Variants in SDK1 observed in about 807,000 individuals in gnomAD.
SDK1 encodes the protein sidekick cell adhesion molecule 1.
In SDK1, 157 loss-of-function variants were observed where a neutral mutation model predicts 245.5. That is an observed-to-expected ratio of 0.64 (90% CI 0.56 to 0.73). The LOEUF is 0.73. Ranked by LOEUF, SDK1 falls within the 30% of genes least tolerant of loss-of-function variation. SDK1 has a pLI of 0.00. For missense variants in SDK1, 3,583 were observed against 3,002.3 expected, an observed-to-expected ratio of 1.19 and a Z score of -4.52; for synonymous variants, 1,647 against 1,278.5, an observed-to-expected ratio of 1.29 and a Z score of -6.15.
Position 4,150,891 on chromosome 7 carries a change from G to A in SDK1, c.4625+1428G>A, listed in dbSNP as rs973559847. Reference sequence around the variant, plus strand: ...CTTGCCCAGGGAGGGGTGGCCGACCGGGCGTCTCAGTACAGAGCTGTGAAG... The same window carrying A: ...CTTGCCCAGGGAGGGGTGGCCGACCAGGCGTCTCAGTACAGAGCTGTGAAG... On this transcript the variant is annotated intron_variant, in intron 30 of 44. Transcript: ENST00000404826. Among the ~76,000 whole-genome samples the A allele has an allele frequency of 4.6e-5, 7 of 152,356 alleles. No individual in the cohort carries two copies. The East Asian group carries it at 7.7e-4, about 17-fold the overall frequency.
At chr7:4,233,024 T>G in intron 40 of SDK1, 1 of 479,222 alleles carries the variant, frequency 2.1e-6, no homozygotes, top group South Asian at 3.6e-5. Flanking sequence ...AAGTGTCCAG[T>G]TCAGTAGCAT....
intron 9 of SDK1, among the ~76,000 whole-genome samples, chr7:3,964,086 G>A (rs1042415109): frequency 1.3e-5 from 2 of 152,274 alleles, no homozygotes; most frequent in Non-Finnish European, 2.9e-5. Context: ...CTGCTAGACT[G>A]GGCCTTCAAG....
At chr7:4,031,427 A>G (rs1787810142) in intron 17 of SDK1, among the ~76,000 whole-genome samples, 1 of 152,202 alleles carries the variant, frequency 6.6e-6, no homozygotes, top group Admixed American at 6.5e-5. Flanking sequence ...CAGAGAATCA[A>G]TAGATTGTAT....
chr7:4,131,780 C>T (rs887820725), intron 27 of SDK1, among the ~76,000 whole-genome samples: 3 of 152,026 alleles, frequency 2.0e-5, no homozygotes, highest in Admixed American at 6.6e-5. Context: ...CACACCAACT[C>T]TTAATTATCT....
chr7:3,343,199 T>C (rs1362498870), intron 1 of SDK1, among the ~76,000 whole-genome samples: 1 of 152,140 alleles, frequency 6.6e-6, no homozygotes, highest in East Asian at 1.9e-4. Flanking sequence ...CACATAATCA[T>C]GCAAAAACCT....
chr7:3,646,766 T>A (rs928134539), intron 4 of SDK1, among the ~76,000 whole-genome samples: 11 of 152,104 alleles, frequency 7.2e-5, no homozygotes, highest in Admixed American at 7.2e-4. Context: ...CATAGAGGGG[T>A]TGAAAAGTGT....
chr7:4,167,358 A>G (rs1781560870), intron 32 of SDK1, among the ~76,000 whole-genome samples: 1 of 152,164 alleles, frequency 6.6e-6, no homozygotes, highest in African/African-American at 2.4e-5. Context: ...AGCCAAGATC[A>G]CACCACTGCA....
intron 42 of SDK1, among the ~76,000 whole-genome samples, chr7:4,238,066 G>T (rs1786291418): frequency 6.6e-6 from 1 of 151,172 alleles, no homozygotes; most frequent in Admixed American, 6.6e-5. Context: ...TCCCCACTCT[G>T]TACCTTTGTT....
intron 4 of SDK1, among the ~76,000 whole-genome samples, chr7:3,725,678 C>T (rs1377756007): frequency 6.6e-6 from 1 of 152,122 alleles, no homozygotes; most frequent in African/African-American, 2.4e-5. Flanking sequence ...CATTCTCTGT[C>T]CCTGGAGCCC....
intron 14 of SDK1, among the ~76,000 whole-genome samples, chr7:4,001,273 A>T (rs1785053621): frequency 6.6e-6 from 1 of 152,152 alleles, no homozygotes; most frequent in Admixed American, 6.5e-5. Flanking sequence ...CACCATTAGG[A>T]TTGGTCTCCC....
At chr7:3,326,169 T>A (rs946588105) in intron 1 of SDK1, among the ~76,000 whole-genome samples, 2 of 152,144 alleles carry the variant, frequency 1.3e-5, no homozygotes, top group African/African-American at 2.4e-5. Flanking sequence ...TATATAAAAG[T>A]GTAGAGAAAG....
chr7:3,783,297 A>G (rs1419830134), intron 4 of SDK1, among the ~76,000 whole-genome samples: 1 of 152,186 alleles, frequency 6.6e-6, no homozygotes, highest in South Asian at 2.1e-4. Context: ...TTCCTCTGAC[A>G]TAGACAAACA....
intron 2 of SDK1, among the ~76,000 whole-genome samples, chr7:3,621,250 A>T (rs781332551): frequency 2.0e-5 from 3 of 152,192 alleles, no homozygotes; most frequent in Non-Finnish European, 4.4e-5. Flanking sequence ...ACCATGTTTG[A>T]GTAGTGACTG....
In SDK1 at chr7:3,742,411, C is replaced by T. The variant is rs140768564; in HGVS notation, c.714-79039C>T. 7.1e-3 allele frequency among the ~76,000 whole-genome samples: 1,077 copies of T among 152,212 alleles called. 15 individuals carry two copies. Among genetic ancestry groups the T allele is most frequent in the African/African-American group, 0.024 (1,013 of 41,522 alleles). The stretch of plus-strand genomic sequence containing the variant: ...GCTCTACTTCCGGTAAGGAGAATTT[C>T]CCAGAAAAGGAGTAACAGCCTCATT... On this transcript the variant is annotated intron_variant, in intron 4 of 44. Coordinates refer to ENST00000404826, the MANE Select transcript of SDK1 (RefSeq NM_152744.4).
chr7:3,518,773 C>A (rs574310520), intron 1 of SDK1, among the ~76,000 whole-genome samples: 2 of 152,056 alleles, frequency 1.3e-5, no homozygotes, highest in Non-Finnish European at 2.9e-5. Context: ...AGTGGAAGCT[C>A]CTCCAGCAAT....
At position 4,237,590 on chromosome 7, in the gene SDK1, G is replaced by A. The variant is rs772464509; in HGVS notation, c.5993-57G>A. 4 of 1,606,234 alleles carry A rather than the reference G, an allele frequency of 2.5e-6. No individual in the cohort carries two copies. In the South Asian group the frequency reaches 3.3e-5, roughly 13 times the overall value. ...CTGCCAACCACCTGACTCGCGGGAG[G>A]TGACTGCAGCTGGAGCGTCTGCCCC... On this transcript the variant is annotated intron_variant, in intron 41 of 44. Coordinates refer to ENST00000404826, the MANE Select transcript of SDK1 (RefSeq NM_152744.4).
chr7:3,718,838 C>G (rs9639627), intron 4 of SDK1, among the ~76,000 whole-genome samples: 1 of 152,056 alleles, frequency 6.6e-6, no homozygotes, highest in East Asian at 1.9e-4. Flanking sequence ...TAAAAGTGTT[C>G]TTATTTGTGG....
intron 28 of SDK1, among the ~76,000 whole-genome samples, chr7:4,139,403 G>GTA (rs1188590016): frequency 2.0e-5 from 3 of 147,100 alleles, no homozygotes; most frequent in African/African-American, 5.1e-5. Flanking sequence ...GTGTATATGT[G>GTA]TGTGTGTATA....
At chr7:4,210,376 C>T (rs947768074) in intron 38 of SDK1, among the ~76,000 whole-genome samples, 4 of 152,208 alleles carry the variant, frequency 2.6e-5, no homozygotes, top group Non-Finnish European at 4.4e-5. Flanking sequence ...AAAGCTGAGC[C>T]AAGACCAGAC....
Sources: allele counts gnomAD v4.1 joint callset (sites outside exome capture counted in the v4.1 genomes callset), GRCh38; gene constraint gnomAD v4.1.1; transcripts MANE v1.5; gene names NCBI Gene and HGNC (gene_info 2026-07-23, HGNC 2026-07-21).